Variants in SULF1 observed in about 807,000 individuals in gnomAD.
SULF1 encodes the protein sulfatase 1, also known as extracellular sulfatase Sulf-1.
SULF1 carries 46 observed loss-of-function variants against 110.5 expected under a neutral mutation model. The ratio of observed to expected loss-of-function variants is 0.42; its 90% CI spans 0.33 to 0.53. SULF1 has a LOEUF of 0.53. SULF1 is among the 20% of genes least tolerant of loss of function. SULF1 has a pLI of 0.12. For synonymous variants in SULF1, 371 were observed against 387.1 expected (o/e 0.96, Z 0.49); for missense variants, 941 against 1,094.2 (o/e 0.86, Z 1.98).
At chr8:69,619,989 GC>G (rs1156952659) in intron 13 of SULF1, among the ~76,000 whole-genome samples, 1 of 152,192 alleles carries the variant, frequency 6.6e-6, no homozygotes, top group Non-Finnish European at 1.5e-5. Flanking sequence ...CGTATTCCAA[GC>G]TCTTGCCTAG....
chr8:69,627,922 AGGCATTAGCACT>A, intron 17 of SULF1, 56 bp downstream of exon 17: 1 of 1,341,658 alleles, frequency 7.5e-7, no homozygotes, highest in Non-Finnish European at 1.1e-6. Flanking sequence ...CACAAGCCAG[AGGCATTAGCACT>A]GGGCTCATTT....
In SULF1 at chr8:69,492,882, G is replaced by C. The variant is rs1226991334; in HGVS notation, c.-634G>C. ...GCTAATGAATCTTGGGGCCGGTGTC[G>C]GGCCGGGGCGGCTTGATCGGCAACT... On this transcript the variant is annotated 5_prime_UTR_variant, in exon 1 of 23. Transcript: ENST00000402687. 6.6e-6 allele frequency: 1 copy of C among 152,556 alleles called. No homozygotes were observed. The highest frequency in any genetic ancestry group is 2.4e-5 in the African/African-American group (1 of 41,472). 9.5% of individuals were successfully genotyped at this position (152,556 alleles called of 1,614,324 possible). A position where few individuals can be genotyped will look rare whatever the true frequency, so the allele number is the denominator to read the frequency against.
chr8:69,496,723 A>G (rs28502353), intron 2 of SULF1, among the ~76,000 whole-genome samples: 3,594 of 152,354 alleles, frequency 0.024, 144 homozygotes, highest in African/African-American at 0.082. Flanking sequence ...ATAAGCAAGT[A>G]CTACACCCTC....
chr8:69,632,849 A>G (rs1467313984), intron 19 of SULF1, among the ~76,000 whole-genome samples: 1 of 152,016 alleles, frequency 6.6e-6, no homozygotes, highest in Non-Finnish European at 1.5e-5. Flanking sequence ...ACATGGTGAA[A>G]CCTTGTCTCT....
intron 2 of SULF1, 117 bp from the exon 3 acceptor site, chr8:69,501,757 G>A (rs1810812959): frequency 6.6e-6 from 1 of 152,166 alleles, no homozygotes; most frequent in Non-Finnish European, 1.5e-5. Context: ...ATGAAATTTA[G>A]AGAATATTGT....
chr8:69,516,630 T>C (rs4737282), intron 3 of SULF1, among the ~76,000 whole-genome samples: 83,271 of 152,002 alleles, frequency 0.55, 23,204 homozygotes, highest in South Asian at 0.65. Flanking sequence ...AATGAAACCA[T>C]AAATAATTTT....
At chr8:69,611,592 C>T (rs1249351008) in intron 13 of SULF1, among the ~76,000 whole-genome samples, 1 of 152,164 alleles carries the variant, frequency 6.6e-6, no homozygotes, top group African/African-American at 2.4e-5. Context: ...GTATATTCCC[C>T]AGTGTTAAGA....
chr8:69,588,590 T>G (rs916703725), intron 7 of SULF1, among the ~76,000 whole-genome samples: 1 of 152,158 alleles, frequency 6.6e-6, no homozygotes, highest in Non-Finnish European at 1.5e-5. Context: ...GTAATTAAAT[T>G]TTTTGCCAAG....
chr8:69,599,402 C>G (rs142728859), intron 8 of SULF1, among the ~76,000 whole-genome samples: 5 of 152,306 alleles, frequency 3.3e-5, no homozygotes, highest in African/African-American at 9.6e-5. Context: ...CTTCCCTTCT[C>G]ATTCATTTTG....
At chr8:69,552,328 C>T (rs967555789) in intron 3 of SULF1, among the ~76,000 whole-genome samples, 1 of 152,136 alleles carries the variant, frequency 6.6e-6, no homozygotes, top group Non-Finnish European at 1.5e-5. Context: ...AAAGCTTCCT[C>T]AAAATCTAAT....
chr8:69,602,113 T>A (rs1807865838), intron 10 of SULF1, among the ~76,000 whole-genome samples: 1 of 152,186 alleles, frequency 6.6e-6, no homozygotes. Context: ...CAGGATGTGA[T>A]CTTCTGGGAT....
chr8:69,479,918 C>T (rs1371350351), intron 1 of SULF1, among the ~76,000 whole-genome samples: 1 of 152,148 alleles, frequency 6.6e-6, no homozygotes, highest in African/African-American at 2.4e-5. Context: ...AGTCCAGCTC[C>T]CTTTTCGACC....
chr8:69,583,195 TAAG>T (rs1433540504), intron 6 of SULF1, among the ~76,000 whole-genome samples: 1 of 152,108 alleles, frequency 6.6e-6, no homozygotes, highest in Non-Finnish European at 1.5e-5. Flanking sequence ...AATAATATAA[TAAG>T]AAATAACAAT....
At chr8:69,611,339 A>G (rs989184063) in intron 13 of SULF1, among the ~76,000 whole-genome samples, 1 of 152,232 alleles carries the variant, frequency 6.6e-6, no homozygotes, top group South Asian at 2.1e-4. Context: ...CCAACATTCC[A>G]GTGTTGACTT....
chr8:69,603,055 A>G, intron 10 of SULF1, 137 bp from the exon 11 acceptor site: 1 of 1,234,352 alleles, frequency 8.1e-7, no homozygotes, highest in South Asian at 1.4e-5. Context: ...TTGCCACACA[A>G]CTACCCATGC....
chr8:69,648,227 C>CT (rs1321158879), intron 22 of SULF1, among the ~76,000 whole-genome samples: 2 of 151,760 alleles, frequency 1.3e-5, no homozygotes, highest in African/African-American at 2.4e-5. Flanking sequence ...TCTGTTCGGG[C>CT]TCTTCCCATT....
In SULF1 at chr8:69,576,083, A is replaced by T; in HGVS notation, c.286A>T (p.Thr96Ser). Reference protein sequence around the residue: ...MCCPSRSSMLTGKYVHNHNVY... With the variant: ...MCCPSRSSMLSGKYVHNHNVY... Reference sequence around the variant, plus strand: ...CTGCCCGTCACGGTCCTCCATGCTCACCGGGAAGTATGTGCACAATCACAA... The same window carrying T: ...CTGCCCGTCACGGTCCTCCATGCTCTCCGGGAAGTATGTGCACAATCACAA... Residue 96 changes from threonine to serine, a missense_variant, in exon 6 of 23, where the codon ACC becomes TCC. This residue lies in a region of SULF1 where 822 missense variants were observed against 934.3 expected (regional missense o/e 0.88). Transcript: ENST00000402687. The T allele has an allele frequency of 3.1e-6, 5 of 1,614,164 alleles. 1 individual carries two copies. In the South Asian group the frequency reaches 5.5e-5, roughly 18 times the overall value.
At chr8:69,515,102 C>G (rs1163206991) in intron 3 of SULF1, among the ~76,000 whole-genome samples, 1 of 152,184 alleles carries the variant, frequency 6.6e-6, no homozygotes, top group African/African-American at 2.4e-5. Context: ...AGGCAATGCC[C>G]CTGTGGGAAC....
At chr8:69,468,550 A>T (rs1229238273) in intron 1 of SULF1, among the ~76,000 whole-genome samples, 1 of 152,184 alleles carries the variant, frequency 6.6e-6, no homozygotes, top group Non-Finnish European at 1.5e-5. Context: ...ATTCCGACTG[A>T]GTATTATCTG....
Sources: allele counts gnomAD v4.1 joint callset (sites outside exome capture counted in the v4.1 genomes callset), GRCh38; gene constraint gnomAD v4.1.1; regional missense constraint gnomAD v4.1.1; transcripts MANE v1.5; gene names NCBI Gene and HGNC (gene_info 2026-07-23, HGNC 2026-07-21).